Variants in AFF3 observed in about 807,000 individuals in gnomAD.
AFF3 encodes AF4/FMR2 family member 3.
Under a neutral mutation model 129.7 loss-of-function variants are expected in AFF3, and 32 were observed. The ratio of observed to expected loss-of-function variants is 0.25; its 90% CI spans 0.19 to 0.33. AFF3 has a LOEUF of 0.33. Among genes scored for constraint, AFF3 ranks in the 10% least tolerant of loss-of-function variants. The pLI, the probability that AFF3 is intolerant of heterozygous loss-of-function variation, is 1.00. For synonymous variants in AFF3, 644 were observed against 635.4 expected (o/e 1.01, Z -0.20); for missense variants, 1,373 against 1,592.0 (o/e 0.86, Z 2.34).
intron 4 of AFF3, among the ~76,000 whole-genome samples, chr2:100,056,058 C>T (rs963585662): frequency 8.4e-6 from 1 of 119,466 alleles, no homozygotes; most frequent in Non-Finnish European, 1.7e-5. Flanking sequence ...ATCGCTGTCT[C>T]TCTCTCACAC....
intron 14 of AFF3, among the ~76,000 whole-genome samples, chr2:99,600,646 A>G (rs1679739856): frequency 6.6e-6 from 1 of 152,250 alleles, no homozygotes; most frequent in Admixed American, 6.5e-5. Context: ...TACGCACTCA[A>G]GAAGAAACTC....
At chr2:99,740,936 T>C (rs1680670770) in intron 10 of AFF3, among the ~76,000 whole-genome samples, 1 of 152,202 alleles carries the variant, frequency 6.6e-6, no homozygotes, top group Admixed American at 6.5e-5. Flanking sequence ...TGGTTTTAGG[T>C]CTAACGTTTA....
At chr2:99,948,505 A>G (rs1432186546) in intron 7 of AFF3, among the ~76,000 whole-genome samples, 2 of 152,204 alleles carry the variant, frequency 1.3e-5, no homozygotes, top group South Asian at 4.1e-4. Context: ...ATTGTGTTTC[A>G]TTTGGAACAG....
chr2:99,832,840 C>CTA (rs971116352), intron 8 of AFF3, among the ~76,000 whole-genome samples: 5 of 152,162 alleles, frequency 3.3e-5, no homozygotes, highest in African/African-American at 1.2e-4. Context: ...TGGCGCACCT[C>CTA]TACAGTTACA....
intron 12 of AFF3, among the ~76,000 whole-genome samples, chr2:99,664,406 T>C (rs1686500065): frequency 1.3e-5 from 2 of 152,214 alleles, no homozygotes; most frequent in Admixed American, 6.5e-5. Flanking sequence ...AGAAACTCAG[T>C]CTCTTGGTTT....
At chr2:100,069,332 G>T (rs537666425) in intron 4 of AFF3, among the ~76,000 whole-genome samples, 7 of 152,244 alleles carry the variant, frequency 4.6e-5, no homozygotes, top group Non-Finnish European at 8.8e-5. Flanking sequence ...CCCTCCAGAG[G>T]GGGGTCCAGG....
chr2:99,794,616 T>C (rs1685434694), intron 8 of AFF3, among the ~76,000 whole-genome samples: 2 of 152,158 alleles, frequency 1.3e-5, no homozygotes, highest in South Asian at 2.1e-4. Flanking sequence ...GTCCCCTATG[T>C]AGATTTCTGG....
At chr2:100,108,130 C>G (rs752170459) in intron 2 of AFF3, among the ~76,000 whole-genome samples, 1 of 146,366 alleles carries the variant, frequency 6.8e-6, no homozygotes, top group Non-Finnish European at 1.5e-5. Context: ...AGACGCATGA[C>G]TCCATCTGCT....
chr2:100,032,338 A>C (rs574472857), intron 4 of AFF3, among the ~76,000 whole-genome samples: 4 of 152,238 alleles, frequency 2.6e-5, no homozygotes, highest in Admixed American at 2.6e-4. Flanking sequence ...CTGAGGCAGG[A>C]AAATCACTTG....
intron 12 of AFF3, among the ~76,000 whole-genome samples, chr2:99,660,376 G>T (rs1247381574): frequency 6.6e-6 from 1 of 152,020 alleles, no homozygotes. Context: ...TTTTACTTAG[G>T]CAAAATAGCA....
intron 7 of AFF3, among the ~76,000 whole-genome samples, chr2:99,926,139 T>C (rs1294863382): frequency 6.6e-6 from 1 of 152,230 alleles, no homozygotes; most frequent in Non-Finnish European, 1.5e-5. Context: ...CTCTCAGGCA[T>C]GGGGTTACAG....
chr2:99,727,172 A>G lies in AFF3; in HGVS notation c.1040-44T>C, dbSNP rs765894827. ...AAAAATACCGACATATGAGTCTTAC[A>G]GTCTTTAAGATTTAAGAGAGATTAA... is the stretch of plus-strand genomic sequence containing the variant. On this transcript the variant is annotated intron_variant, in intron 10 of 24. Transcript: ENST00000672756. 11 of 1,533,398 alleles carry G rather than the reference A, an allele frequency of 7.2e-6. No individual in the cohort carries two copies. In the African/African-American group the frequency reaches 9.7e-5, roughly 14 times the overall value. The allele number at this position is 1,533,398 out of a possible 1,614,324, so 95.0% of individuals were successfully genotyped here.
At chr2:99,716,723 A>T (rs1420952483) in intron 11 of AFF3, among the ~76,000 whole-genome samples, 2 of 151,920 alleles carry the variant, frequency 1.3e-5, no homozygotes, top group Non-Finnish European at 2.9e-5. Flanking sequence ...TCTACTAAAA[A>T]TACAAAAATT....
chr2:100,018,148 T>C (rs1683292294), intron 4 of AFF3, among the ~76,000 whole-genome samples: 1 of 152,122 alleles, frequency 6.6e-6, no homozygotes, highest in South Asian at 2.1e-4. Flanking sequence ...GTCCCTACAT[T>C]TTTTCAAACA....
At chr2:100,038,756 T>C (rs962519976) in intron 4 of AFF3, among the ~76,000 whole-genome samples, 1 of 151,586 alleles carries the variant, frequency 6.6e-6, no homozygotes, top group Non-Finnish European at 1.5e-5. Flanking sequence ...AGAGCCTCGC[T>C]CTTGTTGCCC....
intron 2 of AFF3, chr2:100,107,185 A>C (rs1183897813): frequency 1.0e-6 from 1 of 985,302 alleles, no homozygotes. Context: ...CCCAAATAGT[A>C]GTTGCAGATC....
chr2:99,898,025 G>A (rs1694095122), intron 7 of AFF3, among the ~76,000 whole-genome samples: 1 of 152,204 alleles, frequency 6.6e-6, no homozygotes, highest in African/African-American at 2.4e-5. Flanking sequence ...AAGCTGGGTT[G>A]ACAAGTCTTA....
intron 12 of AFF3, among the ~76,000 whole-genome samples, chr2:99,654,485 A>T (rs1685567481): frequency 6.6e-6 from 1 of 152,228 alleles, no homozygotes; most frequent in Admixed American, 6.5e-5. Flanking sequence ...TAAATGGCAA[A>T]GAAAAAATTA....
intron 13 of AFF3, among the ~76,000 whole-genome samples, chr2:99,613,176 T>C (rs1457728097): frequency 1.3e-5 from 2 of 152,238 alleles, no homozygotes; most frequent in African/African-American, 4.8e-5. Flanking sequence ...GGGAACTTAA[T>C]ATTTACATTT....
Sources: gnomAD v4.1 joint callset for allele counts (sites outside exome capture counted in the v4.1 genomes callset) on GRCh38, gnomAD v4.1.1 for gene constraint, MANE v1.5 for transcripts, NCBI Gene and HGNC (gene_info 2026-07-23, HGNC 2026-07-21) for gene names.